The following CPED1 variants were observed in gnomAD, a reference collection of about 807,000 sequenced individuals.
CPED1 encodes cadherin like and PC-esterase domain containing 1.
A neutral mutation model predicts 128.2 loss-of-function variants in CPED1; 114 were observed. The ratio of observed to expected loss-of-function variants is 0.89; its 90% CI spans 0.76 to 1.04. CPED1 has a LOEUF of 1.04. Among genes scored for constraint, CPED1 ranks in the 50% least tolerant of loss-of-function variants. The probability of loss-of-function intolerance (pLI) is 0.00; values close to 1 mark genes in which losing one functional copy is unlikely to be tolerated. For synonymous variants in CPED1, 462 were observed against 426.7 expected, an observed-to-expected ratio of 1.08 and a Z score of -1.02; for missense variants, 1,211 against 1,207.1, an observed-to-expected ratio of 1.00 and a Z score of -0.05.
At chr7:121,184,187 A>G (rs556232070) in intron 16 of CPED1, among the ~76,000 whole-genome samples, 1 of 152,260 alleles carries the variant, frequency 6.6e-6, no homozygotes, top group African/African-American at 2.4e-5. Context: ...TTCAAAAGGA[A>G]GGAAGAAGAA....
At chr7:121,042,918 T>C (rs1177711703) in intron 3 of CPED1, among the ~76,000 whole-genome samples, 1 of 152,182 alleles carries the variant, frequency 6.6e-6, no homozygotes, top group Non-Finnish European at 1.5e-5. Flanking sequence ...CTTTTCCCCA[T>C]GCAAGGAGAA....
chr7:121,149,248 A>G (rs993268169), intron 16 of CPED1, among the ~76,000 whole-genome samples: 1 of 151,274 alleles, frequency 6.6e-6, no homozygotes, highest in African/African-American at 2.4e-5. Context: ...TTTTGAATGC[A>G]TAGACCTCCC....
chr7:121,142,176 T>C, intron 16 of CPED1, 35 bp downstream of exon 16: 2 of 1,549,766 alleles, frequency 1.3e-6, no homozygotes, highest in Non-Finnish European at 1.8e-6. Context: ...TGGGTTGAAT[T>C]GGGAATGATC....
In CPED1 at chr7:121,140,781, A is replaced by G. The variant is rs377123008; in HGVS notation, c.1700-46A>G. On this transcript the variant is annotated intron_variant, in intron 14 of 22. Coordinates refer to ENST00000310396, the MANE Select transcript of CPED1 (RefSeq NM_024913.5). ...AATCATATATTATTTAAAGATATTT[A>G]CCCACTTCACAGTTGTCTTTGTCAT... 1.4e-5 allele frequency: 19 copies of G among 1,325,128 alleles called. 1 individual carries two copies. The highest frequency in any genetic ancestry group is 5.9e-5 in the African/African-American group (4 of 67,368). 82.1% of individuals were successfully genotyped at this position (1,325,128 alleles called of 1,614,324 possible). A position where few individuals can be genotyped will look rare whatever the true frequency, so the allele number is the denominator to read the frequency against.
chr7:121,000,095 C>A (rs924965451), intron 2 of CPED1, among the ~76,000 whole-genome samples: 1 of 152,088 alleles, frequency 6.6e-6, no homozygotes, highest in African/African-American at 2.4e-5. Flanking sequence ...ATAAAAAGGG[C>A]TTCCTGTTAT....
chr7:121,044,267 G>C (rs1793131166), intron 3 of CPED1, among the ~76,000 whole-genome samples: 1 of 152,160 alleles, frequency 6.6e-6, no homozygotes, highest in Non-Finnish European at 1.5e-5. Flanking sequence ...AAGACAAAGT[G>C]AAAAGGTCTA....
At chr7:121,264,451 C>T (rs1792084171) in intron 18 of CPED1, among the ~76,000 whole-genome samples, 1 of 151,982 alleles carries the variant, frequency 6.6e-6, no homozygotes, top group Non-Finnish European at 1.5e-5. Flanking sequence ...GTTATTGTTC[C>T]AAATGCAACC....
chr7:121,091,986 G>A (rs543224485), intron 5 of CPED1, among the ~76,000 whole-genome samples: 6 of 152,186 alleles, frequency 3.9e-5, no homozygotes, highest in African/African-American at 1.4e-4. Context: ...TGAACCCTAG[G>A]CCTCTAAATC....
chr7:121,286,039 G>A lies in CPED1; in HGVS notation c.2869-9401G>A, dbSNP rs185754118. 3.3e-4 allele frequency among the ~76,000 whole-genome samples: 50 copies of A among 152,264 alleles called. 1 individual carries two copies. Among genetic ancestry groups the A allele is most frequent in the East Asian group, 9.6e-4 (5 of 5,184 alleles). ...TTGACTCACAGTTCAGCATGGCTGC[G>A]GAAGCCTCGGGAAACTTAACAATCA... On this transcript the variant is annotated intron_variant, in intron 22 of 22. Coordinates refer to ENST00000310396, the MANE Select transcript of CPED1 (RefSeq NM_024913.5).
intron 2 of CPED1, among the ~76,000 whole-genome samples, chr7:120,990,818 A>T (rs1796298100): frequency 6.6e-6 from 1 of 152,210 alleles, no homozygotes; most frequent in African/African-American, 2.4e-5. Flanking sequence ...TTCTACTTGA[A>T]CACCAGCTCC....
chr7:121,095,060 T>A (rs947014143), intron 5 of CPED1, among the ~76,000 whole-genome samples: 1 of 152,188 alleles, frequency 6.6e-6, no homozygotes, highest in African/African-American at 2.4e-5. Context: ...TAAGTTACTT[T>A]AACATTTTTA....
chr7:121,094,063 C>T (rs919481090), intron 5 of CPED1, among the ~76,000 whole-genome samples: 1 of 152,092 alleles, frequency 6.6e-6, no homozygotes, highest in South Asian at 2.1e-4. Flanking sequence ...AGCTGTTATA[C>T]CTGTAGGCTA....
intron 5 of CPED1, among the ~76,000 whole-genome samples, chr7:121,078,929 C>G (rs1315908424): frequency 6.6e-6 from 1 of 152,178 alleles, no homozygotes; most frequent in African/African-American, 2.4e-5. Context: ...GTCAGCAGAG[C>G]TGCTTTCTTC....
chr7:121,096,862 TA>T (rs1334012088), intron 5 of CPED1, among the ~76,000 whole-genome samples: 2 of 152,048 alleles, frequency 1.3e-5, no homozygotes, highest in South Asian at 4.1e-4. Context: ...TTGGGATAAT[TA>T]AAAAAACAAA....
At chr7:121,274,189 C>T (rs1792288988) in intron 22 of CPED1, among the ~76,000 whole-genome samples, 1 of 151,984 alleles carries the variant, frequency 6.6e-6, no homozygotes, top group Non-Finnish European at 1.5e-5. Context: ...GCCCTTCCCA[C>T]ATGGTTACAT....
intron 22 of CPED1, among the ~76,000 whole-genome samples, chr7:121,279,496 A>G (rs1164409113): frequency 6.6e-6 from 1 of 152,140 alleles, no homozygotes; most frequent in Non-Finnish European, 1.5e-5. Flanking sequence ...CAGACAAGAA[A>G]TCTGAATTCA....
intron 11 of CPED1, among the ~76,000 whole-genome samples, 193 bp downstream of exon 11, chr7:121,128,679 G>T (rs188222828): frequency 1.3e-5 from 2 of 152,204 alleles, no homozygotes; most frequent in Admixed American, 1.3e-4. Context: ...TTAAGAGTTT[G>T]CAAACAATAT....
chr7:121,067,527 G>A (rs1202574253), intron 5 of CPED1, among the ~76,000 whole-genome samples: 2 of 152,130 alleles, frequency 1.3e-5, no homozygotes, highest in African/African-American at 4.8e-5. Flanking sequence ...TGGACATTTG[G>A]CTTGGTTCCA....
intron 16 of CPED1, among the ~76,000 whole-genome samples, chr7:121,177,025 A>T (rs1485731689): frequency 6.6e-6 from 1 of 152,080 alleles, no homozygotes; most frequent in Non-Finnish European, 1.5e-5. Flanking sequence ...TCTGGCAAAA[A>T]GAGACTTGCT....
Sources: allele counts gnomAD v4.1 joint callset (sites outside exome capture counted in the v4.1 genomes callset), GRCh38; gene constraint gnomAD v4.1.1; transcripts MANE v1.5; gene names NCBI Gene and HGNC (gene_info 2026-07-23, HGNC 2026-07-21).